ZNF860: variants seen among roughly 807,000 people sequenced by gnomAD.
ZNF860 encodes zinc finger protein 860.
For missense variants in ZNF860, 641 were observed against 759.2 expected, an observed-to-expected ratio of 0.84 and a Z score of 1.83; for synonymous variants, 206 against 248.9, an observed-to-expected ratio of 0.83 and a Z score of 1.62.
chr3:31,997,221 T>A, the ZNF860 span, among the ~76,000 whole-genome samples: 1 of 152,140 alleles, frequency 6.6e-6, no homozygotes, highest in Non-Finnish European at 1.5e-5. Flanking sequence ...ATAGGCAGTG[T>A]TTAAGTCCTA....
the ZNF860 span, among the ~76,000 whole-genome samples, chr3:32,002,785 C>CTAAGATTTTAGAGAAAAAAGGTT: frequency 3.9e-5 from 6 of 152,024 alleles, no homozygotes; most frequent in Admixed American, 1.3e-4. Context: ...TACAGTGTGC[C>CTAAGATTTTAGAGAAAAAAGGTT]CCTTGGGAGA....
downstream of ZNF860, among the ~76,000 whole-genome samples, chr3:31,995,560 T>C (rs1699082944): frequency 6.6e-6 from 1 of 152,186 alleles, no homozygotes; most frequent in South Asian, 2.1e-4. Flanking sequence ...GACTTCATAT[T>C]GTTCAAACAC....
chr3:31,986,786 G>T (rs183225335), intron 1 of ZNF860, among the ~76,000 whole-genome samples: 6 of 152,170 alleles, frequency 3.9e-5, no homozygotes, highest in African/African-American at 1.2e-4. Context: ...TGAGATGGGA[G>T]GATTGCCCAG....
chr3:31,988,943 G>A lies in ZNF860; in HGVS notation c.-137G>A, dbSNP rs1426941896. ...CCAAACCCCGACCCACAGCGACTGT[G>A]AGATAATCAGTGTTTGTTGCCTTAA... On this transcript the variant is annotated 5_prime_UTR_variant, in exon 2 of 2. Transcript: ENST00000360311. 9.7e-6 allele frequency: 11 copies of A among 1,139,854 alleles called. No homozygotes were observed. The highest frequency in any genetic ancestry group is 1.4e-5 in the Non-Finnish European group (11 of 806,050). The allele number at this position is 1,139,854 out of a possible 1,614,324, so 70.6% of individuals were successfully genotyped here.
chr3:31,991,953 C>T (rs1699036342), downstream of ZNF860, among the ~76,000 whole-genome samples: 1 of 151,832 alleles, frequency 6.6e-6, no homozygotes. Context: ...TGAGACCAGC[C>T]TGGTCAACAT....
the ZNF860 span, among the ~76,000 whole-genome samples, chr3:32,002,721 G>C: frequency 6.6e-6 from 1 of 152,214 alleles, no homozygotes; most frequent in Non-Finnish European, 1.5e-5. Flanking sequence ...GTTTCTCAGT[G>C]AGTCAGAAGG....
At chr3:31,995,401 A>G (rs1157262463), downstream of ZNF860, among the ~76,000 whole-genome samples, 2 of 152,204 alleles carry the variant, frequency 1.3e-5, no homozygotes, top group Non-Finnish European at 2.9e-5. Flanking sequence ...ATTTAGCGAT[A>G]TCTTCCCTAT....
At chr3:31,999,597 G>T in the ZNF860 span, among the ~76,000 whole-genome samples, 4 of 151,932 alleles carry the variant, frequency 2.6e-5, no homozygotes, top group Admixed American at 6.6e-5. Flanking sequence ...CCTACCTCAG[G>T]TGATCTGCCT....
In ZNF860 at chr3:31,988,998, G is replaced by C; in HGVS notation, c.-82G>C. The C allele has an allele frequency of 1.3e-6, 2 of 1,544,100 alleles. No individual in the cohort carries two copies. Among genetic ancestry groups the C allele is most frequent in the Non-Finnish European group, 1.8e-6 (2 of 1,135,718 alleles). On this transcript the variant is annotated 5_prime_UTR_variant, in exon 2 of 2. Transcript: ENST00000360311. ...CGAAGTTTGTGATAATTTGTTTCTC[G>C]GAAACAGATAACTAATACAGAGCAG...
intron 1 of ZNF860, among the ~76,000 whole-genome samples, chr3:31,985,526 A>G (rs1001598618): frequency 1.3e-5 from 2 of 152,204 alleles, no homozygotes; most frequent in African/African-American, 2.4e-5. Context: ...ATGGACCTGG[A>G]GGGCTGGTCT....
At chr3:31,993,164 C>CTTTTTTATT (rs1699052145), downstream of ZNF860, among the ~76,000 whole-genome samples, 1 of 129,032 alleles carries the variant, frequency 7.8e-6, no homozygotes, top group East Asian at 2.3e-4. Context: ...GTAAGAAAAC[C>CTTTTTTATT]TTATTTTATT....
chr3:31,984,737 G>A (rs1471851993), intron 1 of ZNF860, among the ~76,000 whole-genome samples: 2 of 152,262 alleles, frequency 1.3e-5, no homozygotes, highest in African/African-American at 4.8e-5. Context: ...GTAGTTTGGT[G>A]TTCAAACAAG....
chr3:31,999,479 G>A, the ZNF860 span, among the ~76,000 whole-genome samples: 1 of 149,834 alleles, frequency 6.7e-6, no homozygotes, highest in Non-Finnish European at 1.5e-5. Flanking sequence ...TTCTGCCTCA[G>A]CCTCCTGAGT....
the ZNF860 span, among the ~76,000 whole-genome samples, chr3:32,006,397 C>G: frequency 6.6e-6 from 1 of 152,124 alleles, no homozygotes; most frequent in African/African-American, 2.4e-5. Context: ...TTCTGTAAGC[C>G]AGTTGTCATC....
intron 1 of ZNF860, among the ~76,000 whole-genome samples, chr3:31,985,516 A>T (rs1405623838): frequency 2.0e-5 from 3 of 152,174 alleles, no homozygotes; most frequent in Non-Finnish European, 4.4e-5. Flanking sequence ...TCTTCTCCAC[A>T]TGGACCTGGA....
the ZNF860 span, among the ~76,000 whole-genome samples, chr3:32,005,629 C>A: frequency 6.6e-6 from 1 of 152,142 alleles, no homozygotes; most frequent in African/African-American, 2.4e-5. Context: ...CACTCTGTTG[C>A]CAGGCTGGAG....
rs556546989 is a variant in ZNF860 at position 31,981,858 on chromosome 3, C to T, written c.-465C>T. ...CAAAGTCACAGCTCAGGGAGGCCCT[C>T]CGCGTTGTCTGGCGGAGGAGGGGAG... On this transcript the variant is annotated 5_prime_UTR_variant, in exon 1 of 2. Coordinates refer to ENST00000360311, the MANE Select transcript of ZNF860 (RefSeq NM_001137674.3). The surrounding 1 kb of genome is among the most constrained non-coding windows in gnomAD (Gnocchi z 4.5). The T allele has an allele frequency of 3.3e-5, 5 of 152,428 alleles. No homozygotes were observed. The South Asian group carries it at 1.0e-3, about 32-fold the overall frequency. 9.4% of individuals were successfully genotyped at this position (152,428 alleles called of 1,614,324 possible).
chr3:31,988,973 C>T lies in ZNF860; in HGVS notation c.-107C>T, dbSNP rs112426339. Reference sequence around the variant, plus strand: ...AATCAGTGTTTGTTGCCTTAAGCCACGAAGTTTGTGATAATTTGTTTCTCG... The same window carrying T: ...AATCAGTGTTTGTTGCCTTAAGCCATGAAGTTTGTGATAATTTGTTTCTCG... On this transcript the variant is annotated 5_prime_UTR_variant, in exon 2 of 2. In the 5' UTR this introduces an upstream ATG that the reference lacks. Coordinates refer to ENST00000360311, the MANE Select transcript of ZNF860 (RefSeq NM_001137674.3). 35 of 1,465,980 alleles carry T rather than the reference C, an allele frequency of 2.4e-5. No individual in the cohort carries two copies. The highest frequency in any genetic ancestry group is 2.3e-4 in the African/African-American group (16 of 70,834). The allele number at this position is 1,465,980 out of a possible 1,614,324, so 90.8% of individuals were successfully genotyped here.
chr3:32,004,120 A>G, the ZNF860 span, among the ~76,000 whole-genome samples: 3 of 152,210 alleles, frequency 2.0e-5, no homozygotes, highest in Non-Finnish European at 4.4e-5. Context: ...TTTAACTTAT[A>G]TTATTTTAAA....
Sources: allele counts gnomAD v4.1 joint callset (sites outside exome capture counted in the v4.1 genomes callset), GRCh38; gene constraint gnomAD v4.1.1; non-coding constraint Gnocchi (gnomAD v3.1); transcripts MANE v1.5; gene names NCBI Gene and HGNC (gene_info 2026-07-23, HGNC 2026-07-21).